Variants in SHANK2 observed in about 807,000 individuals in gnomAD.
The protein encoded by SHANK2 is SH3 and multiple ankyrin repeat domains protein 2.
A neutral mutation model predicts 133.7 loss-of-function variants in SHANK2; 43 were observed. The ratio of observed to expected loss-of-function variants is 0.32; its 90% CI spans 0.25 to 0.41. The LOEUF (loss-of-function observed/expected upper bound fraction) is 0.41. SHANK2 is among the 10% of genes least tolerant of loss of function. SHANK2 has a pLI of 1.00. For synonymous variants in SHANK2, 1,017 were observed against 952.8 expected (o/e 1.07, Z -1.24); for missense variants, 1,994 against 2,235.8 (o/e 0.89, Z 2.18).
At chr11:71,169,829 G>T (rs1555111829) in intron 2 of SHANK2, among the ~76,000 whole-genome samples, 1 of 151,342 alleles carries the variant, frequency 6.6e-6, no homozygotes, top group Non-Finnish European at 1.5e-5. Flanking sequence ...GTAGAACTGT[G>T]ATTTGTTTTA....
intron 11 of SHANK2, among the ~76,000 whole-genome samples, chr11:70,855,624 A>G (rs1949157047): frequency 6.6e-6 from 1 of 152,270 alleles, no homozygotes; most frequent in Non-Finnish European, 1.5e-5. Context: ...CAACTTCACA[A>G]GAGGTAACGC....
intron 2 of SHANK2, among the ~76,000 whole-genome samples, chr11:71,189,257 C>T (rs1237897781): frequency 3.9e-5 from 6 of 152,258 alleles, no homozygotes; most frequent in Non-Finnish European, 8.8e-5. Flanking sequence ...TGTTCCATTT[C>T]CTGGCTCAGC....
chr11:71,138,164 G>A (rs1590948497), intron 3 of SHANK2, among the ~76,000 whole-genome samples: 2 of 63,578 alleles, frequency 3.1e-5, no homozygotes, highest in South Asian at 4.8e-4. Context: ...CACAATGGGC[G>A]GGCGCACTCA....
At chr11:71,134,972 A>G (rs1952409409) in intron 3 of SHANK2, among the ~76,000 whole-genome samples, 1 of 152,106 alleles carries the variant, frequency 6.6e-6, no homozygotes, top group South Asian at 2.1e-4. Context: ...TCTGCCCATC[A>G]AATACAACCA....
At chr11:70,763,182 G>T (rs1251133866) in intron 14 of SHANK2, among the ~76,000 whole-genome samples, 6 of 152,202 alleles carry the variant, frequency 3.9e-5, no homozygotes, top group African/African-American at 1.4e-4. Context: ...AAACCAATCT[G>T]CCTTGGAGGG....
chr11:70,792,378 A>ACCAGCCAACCAG (rs1947811841), intron 14 of SHANK2, among the ~76,000 whole-genome samples: 1 of 146,334 alleles, frequency 6.8e-6, no homozygotes, highest in Non-Finnish European at 1.5e-5. Flanking sequence ...CAACCAACCA[A>ACCAGCCAACCAG]CCAACCAGCC....
intron 17 of SHANK2, among the ~76,000 whole-genome samples, chr11:70,646,764 A>G (rs1555008368): frequency 6.6e-6 from 1 of 152,198 alleles, no homozygotes; most frequent in African/African-American, 2.4e-5. Context: ...AAACAGATAG[A>G]AAACAGGGTT....
chr11:70,599,774 A>G (rs1476560684), intron 17 of SHANK2, among the ~76,000 whole-genome samples: 1 of 150,306 alleles, frequency 6.7e-6, no homozygotes, highest in African/African-American at 2.5e-5. Flanking sequence ...CCCGGGTTAC[A>G]GTGTGAGATT....
intron 15 of SHANK2, chr11:70,668,416 C>G (rs1555015289): frequency 6.6e-6 from 1 of 152,666 alleles, no homozygotes; most frequent in Non-Finnish European, 1.5e-5. Context: ...TGAGGAGCAC[C>G]AAGGACTGCA....
At chr11:70,559,025 AT>A (rs199999383) in intron 17 of SHANK2, among the ~76,000 whole-genome samples, 159 of 151,582 alleles carry the variant, frequency 1.0e-3, no homozygotes, top group African/African-American at 3.6e-3. Flanking sequence ...CAGACGCTAT[AT>A]TTTTTTTTCC....
chr11:70,873,558 C>T (rs1450290973), intron 11 of SHANK2, among the ~76,000 whole-genome samples: 3 of 152,168 alleles, frequency 2.0e-5, no homozygotes, highest in East Asian at 1.9e-4. Flanking sequence ...CACACCCTTT[C>T]GGGGCTTCTT....
intron 2 of SHANK2, among the ~76,000 whole-genome samples, chr11:71,198,853 C>T (rs1293991733): frequency 3.9e-5 from 6 of 152,228 alleles, no homozygotes; most frequent in East Asian, 1.9e-4. Context: ...GTGGCCGTGG[C>T]TCATGGAGGC....
chr11:70,756,315 C>T (rs1555038909), intron 14 of SHANK2, among the ~76,000 whole-genome samples: 2 of 152,124 alleles, frequency 1.3e-5, no homozygotes, highest in Non-Finnish European at 2.9e-5. Flanking sequence ...TTCTCTGAGC[C>T]TTAGAGGCAC....
At chr11:70,625,984 G>C (rs2060900006) in intron 17 of SHANK2, among the ~76,000 whole-genome samples, 2 of 152,076 alleles carry the variant, frequency 1.3e-5, no homozygotes, top group Non-Finnish European at 2.9e-5. Context: ...CCCGCTCGGA[G>C]GGCTGAGGGC....
intron 12 of SHANK2, among the ~76,000 whole-genome samples, chr11:70,819,699 C>T (rs1160912220): frequency 6.6e-6 from 1 of 152,142 alleles, no homozygotes; most frequent in African/African-American, 2.4e-5. Context: ...TGGAACGAGG[C>T]ACAGGCTCCT....
At chr11:71,108,419 C>T (rs552843230) in intron 6 of SHANK2, among the ~76,000 whole-genome samples, 1 of 152,322 alleles carries the variant, frequency 6.6e-6, no homozygotes, top group South Asian at 2.1e-4. Context: ...CAGCTGAGGG[C>T]CACTGCAGCT....
At chr11:70,855,038 T>A (rs1949148341) in intron 11 of SHANK2, among the ~76,000 whole-genome samples, 1 of 152,218 alleles carries the variant, frequency 6.6e-6, no homozygotes, top group African/African-American at 2.4e-5. Context: ...CCCGTAGTCC[T>A]GAAAATCTGG....
intron 9 of SHANK2, among the ~76,000 whole-genome samples, chr11:71,071,744 T>C (rs1951145280): frequency 6.6e-6 from 1 of 152,054 alleles, no homozygotes; most frequent in African/African-American, 2.4e-5. Context: ...GGGCCTGGGC[T>C]GGTGAGGAGC....
At chr11:70,683,503 G>A (rs1945074500) in intron 15 of SHANK2, among the ~76,000 whole-genome samples, 1 of 152,206 alleles carries the variant, frequency 6.6e-6, no homozygotes, top group African/African-American at 2.4e-5. Flanking sequence ...AGAGTTTCCT[G>A]TGGACACTGT....
Sources: gnomAD v4.1 joint callset for allele counts (sites outside exome capture counted in the v4.1 genomes callset) on GRCh38, gnomAD v4.1.1 for gene constraint, MANE v1.5 for transcripts, NCBI Gene and HGNC (gene_info 2026-07-23, HGNC 2026-07-21) for gene names.